The following DNAJC5B variants were observed in gnomAD, a reference collection of about 807,000 sequenced individuals.
DNAJC5B encodes dnaJ homolog subfamily C member 5B.
A neutral mutation model predicts 24.7 loss-of-function variants in DNAJC5B; 23 were observed. The ratio of observed to expected loss-of-function variants is 0.93; its 90% CI spans 0.67 to 1.32. The LOEUF is 1.32. Ranked by LOEUF, DNAJC5B falls within the 40% of genes most tolerant of loss-of-function variation. DNAJC5B has a pLI of 0.00. For synonymous variants in DNAJC5B, 101 were observed against 90.1 expected (o/e 1.12, Z -0.68); for missense variants, 238 against 240.8 (o/e 0.99, Z 0.08).
At chr8:66,040,617 T>C (rs1230852626) in intron 1 of DNAJC5B, among the ~76,000 whole-genome samples, 2 of 152,172 alleles carry the variant, frequency 1.3e-5, no homozygotes, top group Admixed American at 6.5e-5. Context: ...CAGATCTCTC[T>C]GACATGGGGT....
Position 66,073,919 on chromosome 8 carries a change from G to C in DNAJC5B, c.120-2741G>C, listed in dbSNP as rs1807406994. 2.6e-5 allele frequency among the ~76,000 whole-genome samples: 4 copies of C among 152,198 alleles called. 1 individual carries two copies. In the South Asian group the frequency reaches 8.3e-4, roughly 32 times the overall value. ...ATAGAACAATATCTTCCTGAATTGA[G>C]GAACAAATTGGTTAATTCAGTAAAT... On this transcript the variant is annotated intron_variant, in intron 3 of 5. Transcript: ENST00000276570.
At chr8:66,087,123 C>T (rs1348712946) in intron 5 of DNAJC5B, among the ~76,000 whole-genome samples, 1 of 152,148 alleles carries the variant, frequency 6.6e-6, no homozygotes, top group Non-Finnish European at 1.5e-5. Flanking sequence ...AATTGACTCA[C>T]AGTTCCTCAT....
chr8:66,023,600 G>T (rs1806189700), intron 1 of DNAJC5B, among the ~76,000 whole-genome samples: 1 of 152,026 alleles, frequency 6.6e-6, no homozygotes, highest in Admixed American at 6.6e-5. Flanking sequence ...TTCCTGTTTA[G>T]GTAGATAATA....
chr8:66,019,844 T>A (rs915436068), upstream of DNAJC5B, among the ~76,000 whole-genome samples: 2 of 152,248 alleles, frequency 1.3e-5, no homozygotes. Flanking sequence ...CTAAATATTT[T>A]TCATATCCAT....
At chr8:66,017,437 T>A (rs1805984735), upstream of DNAJC5B, among the ~76,000 whole-genome samples, 1 of 152,196 alleles carries the variant, frequency 6.6e-6, no homozygotes. Context: ...ACATTAGCAA[T>A]ATGTTTCTGA....
intron 1 of DNAJC5B, among the ~76,000 whole-genome samples, chr8:66,041,205 T>A (rs1176507706): frequency 6.6e-6 from 1 of 152,198 alleles, no homozygotes; most frequent in Admixed American, 6.5e-5. Flanking sequence ...TGTAGAGAGG[T>A]ACTAAAAATA....
chr8:66,040,875 C>T (rs1274276797), intron 1 of DNAJC5B, among the ~76,000 whole-genome samples: 3 of 152,108 alleles, frequency 2.0e-5, no homozygotes, highest in African/African-American at 7.2e-5. Context: ...AATTCTCTCC[C>T]CTTTGTAACT....
rs1806844231 is a variant in DNAJC5B at position 66,051,561 on chromosome 8, T to C, written c.14T>C (p.Ile5Thr). 1 of 1,613,724 alleles carries C rather than the reference T, an allele frequency of 6.2e-7. No individual in the cohort carries two copies. Among genetic ancestry groups the C allele is most frequent in the African/African-American group, 1.3e-5 (1 of 74,892 alleles). MACNIPNQRQRTLST... is the reference protein window; with the variant it reads MACNTPNQRQRTLST... ...CAGCCTTAGAAAATGGCATGTAACA[T>C]ACCTAACCAAAGACAGCGGACTCTG... The change falls in exon 3 of 6, where the codon ATA becomes ACA. Residue 5 changes from isoleucine (I) to threonine (T), a missense_variant. Ile to Thr is a moderately conservative substitution (Grantham distance 89). Transcript: ENST00000276570.
intron 5 of DNAJC5B, among the ~76,000 whole-genome samples, chr8:66,092,759 T>C (rs1049282953): frequency 2.0e-5 from 3 of 152,210 alleles, no homozygotes; most frequent in African/African-American, 7.2e-5. Context: ...TAGATTTATA[T>C]GCAATAATTA....
At chr8:66,071,205 T>C (rs1452226309) in intron 3 of DNAJC5B, among the ~76,000 whole-genome samples, 2 of 152,014 alleles carry the variant, frequency 1.3e-5, no homozygotes, top group African/African-American at 4.8e-5. Flanking sequence ...AACAAATGGA[T>C]CTAATTAAAT....
chr8:66,061,192 G>T (rs1807072719), intron 3 of DNAJC5B, among the ~76,000 whole-genome samples: 1 of 152,004 alleles, frequency 6.6e-6, no homozygotes, highest in Non-Finnish European at 1.5e-5. Flanking sequence ...AAGGTGGGAG[G>T]GTCTCTTGAG....
chr8:66,078,500 C>T (rs1807520742), intron 4 of DNAJC5B, among the ~76,000 whole-genome samples: 1 of 151,956 alleles, frequency 6.6e-6, no homozygotes, highest in Admixed American at 6.5e-5. Context: ...AGAAGGCAAA[C>T]AATCAAGTTG....
chr8:66,080,511 G>A lies in DNAJC5B; in HGVS notation c.468G>A (p.Glu156=). The change falls in exon 5 of 6, where the codon GAG becomes GAA. Residue 156 remains glutamate, a synonymous_variant. Transcript: ENST00000276570. ...AAGAGGACTTCTATGTGTCCCCAGAGGATCTGGAGGAGCAGATCAAGTCTG... is the reference window on the plus strand; with the variant it reads ...AAGAGGACTTCTATGTGTCCCCAGAAGATCTGGAGGAGCAGATCAAGTCTG... The part of the protein sequence containing the change: ...VPEEDFYVSP[E]DLEEQIKSDM... 6.2e-7 allele frequency: 1 copy of A among 1,613,166 alleles called. No homozygotes were observed.
chr8:66,084,897 T>C (rs1224094872), intron 5 of DNAJC5B, among the ~76,000 whole-genome samples: 1 of 152,196 alleles, frequency 6.6e-6, no homozygotes, highest in Admixed American at 6.5e-5. Context: ...TAACTTTATG[T>C]CATAAAGACT....
intron 3 of DNAJC5B, among the ~76,000 whole-genome samples, chr8:66,055,854 A>T (rs1586085965): frequency 6.6e-6 from 1 of 152,184 alleles, no homozygotes; most frequent in African/African-American, 2.4e-5. Context: ...AGGCACGAGA[A>T]TCGCTTGAAC....
At chr8:66,074,672 C>T (rs965534676) in intron 3 of DNAJC5B, among the ~76,000 whole-genome samples, 2 of 152,176 alleles carry the variant, frequency 1.3e-5, no homozygotes, top group Admixed American at 6.6e-5. Flanking sequence ...TTTAAAAATA[C>T]TCCAAGCACT....
intron 5 of DNAJC5B, among the ~76,000 whole-genome samples, chr8:66,096,100 C>A (rs1336307293): frequency 6.6e-6 from 1 of 152,182 alleles, no homozygotes; most frequent in Admixed American, 6.5e-5. Context: ...AATTTATTCT[C>A]TCACAGTTCT....
upstream of DNAJC5B, among the ~76,000 whole-genome samples, chr8:66,020,063 A>C (rs1806070455): frequency 6.6e-6 from 1 of 152,222 alleles, no homozygotes; most frequent in Admixed American, 6.5e-5. Flanking sequence ...GTGGCCTTCA[A>C]GTGTGTTCTG....
intron 3 of DNAJC5B, among the ~76,000 whole-genome samples, chr8:66,060,257 C>T (rs192252611): frequency 6.1e-4 from 93 of 152,326 alleles, no homozygotes; most frequent in African/African-American, 2.2e-3. Context: ...GGTCATCACA[C>T]CTGGCTCTTT....
Sources: allele counts gnomAD v4.1 joint callset (sites outside exome capture counted in the v4.1 genomes callset), GRCh38; gene constraint gnomAD v4.1.1; transcripts MANE v1.5; gene names NCBI Gene and HGNC (gene_info 2026-07-23, HGNC 2026-07-21).